Variants in MED4 observed in about 807,000 individuals in gnomAD.
MED4 encodes mediator of RNA polymerase II transcription subunit 4.
In MED4, 21 loss-of-function variants were observed where a neutral mutation model predicts 35.0. The observed-to-expected ratio is 0.60, with a 90% CI of 0.43 to 0.86. The LOEUF is 0.86. Ranked by LOEUF, MED4 falls within the 40% of genes least tolerant of loss-of-function variation. MED4 has a pLI of 0.00. For synonymous variants in MED4, 138 were observed against 114.0 expected (o/e 1.21, Z -1.34); for missense variants, 300 against 319.4 (o/e 0.94, Z 0.46).
intron 6 of MED4, among the ~76,000 whole-genome samples, chr13:48,078,449 C>T (rs565619777): frequency 6.6e-6 from 1 of 152,306 alleles, no homozygotes; most frequent in South Asian, 2.1e-4. Flanking sequence ...ACCACAGCAA[C>T]TTTCGGTGGC....
At chr13:48,078,920 A>C (rs947760789) in intron 6 of MED4, among the ~76,000 whole-genome samples, 1 of 152,218 alleles carries the variant, frequency 6.6e-6, no homozygotes. Context: ...AAAAAAGGAA[A>C]CAGGCTAAAA....
intron 1 of MED4, among the ~76,000 whole-genome samples, chr13:48,092,635 G>A (rs1218546913): frequency 6.6e-6 from 1 of 152,224 alleles, no homozygotes; most frequent in African/African-American, 2.4e-5. Flanking sequence ...CGTGATGGGA[G>A]AAACATGGAC....
In MED4 at chr13:48,086,355, T is replaced by C. The variant is rs752066214; in HGVS notation, c.290A>G (p.Glu97Gly). ...GKIHHEMQVL[E>G]KEVEKRDSDI... is the part of the protein sequence containing the mutation. ...ACTGTCTCTCTTCTCTACTTCTTTT[T>C]CTAAAACTTGCATTTCATGATGAAT... Residue 97 changes from glutamate (E) to glycine (G), a missense_variant, in exon 3 of 7, where the codon GAA (glutamate) becomes GGA (glycine). By Grantham distance (98) the Glu-to-Gly change is moderately conservative. Coordinates refer to ENST00000258648, the MANE Select transcript of MED4 (RefSeq NM_014166.4). The C allele has an allele frequency of 1.4e-5, 22 of 1,613,760 alleles. No individual in the cohort carries two copies. Among genetic ancestry groups the C allele is most frequent in the East Asian group, 2.2e-5 (1 of 44,816 alleles).
At chr13:48,094,253 G>C (rs571011858) in intron 1 of MED4, among the ~76,000 whole-genome samples, 95 of 152,292 alleles carry the variant, frequency 6.2e-4, no homozygotes, top group African/African-American at 2.2e-3. Flanking sequence ...GACACTTTAG[G>C]AGGTAGAACC....
At chr13:48,077,369 T>A in intron 6 of MED4, 58 bp from the exon 7 acceptor site, 1 of 1,299,402 alleles carries the variant, frequency 7.7e-7, no homozygotes. Context: ...ATCTAGTTCT[T>A]ACTTTTCCCT....
chr13:48,091,904 G>C (rs1409422043), intron 1 of MED4, among the ~76,000 whole-genome samples: 1 of 152,124 alleles, frequency 6.6e-6, no homozygotes, highest in Admixed American at 6.5e-5. Context: ...TTAAATGAGA[G>C]AAGTCAGCCA....
chr13:48,092,770 C>G (rs1950899364), intron 1 of MED4, among the ~76,000 whole-genome samples: 2 of 152,164 alleles, frequency 1.3e-5, no homozygotes, highest in African/African-American at 4.8e-5. Flanking sequence ...CGGTTGAGAA[C>G]CTCTGGTCTA....
In MED4 at chr13:48,094,336, G is replaced by C. The variant is rs535080575; in HGVS notation, c.125+618C>G. On this transcript the variant is annotated intron_variant, in intron 1 of 6. Transcript: ENST00000258648. ...CAACTTGAAAGACTTATCATGAAAG[G>C]TGACAGAATATGAAGAACGACATCT... 7.2e-5 allele frequency among the ~76,000 whole-genome samples: 11 copies of C among 152,254 alleles called. No individual in the cohort carries two copies. In the South Asian group the frequency reaches 2.1e-3, roughly 29 times the overall value.
chr13:48,077,418 T>G, intron 6 of MED4, 107 bp from the exon 7 acceptor site: 5 of 995,520 alleles, frequency 5.0e-6, no homozygotes, highest in Middle Eastern at 5.6e-4. Context: ...AATTTTACTT[T>G]TTTCTCTTCT....
chr13:48,090,317 A>C lies in MED4; in HGVS notation c.192+35T>G, dbSNP rs200971039. 2.1e-5 allele frequency: 31 copies of C among 1,476,474 alleles called. 1 individual carries two copies. The African/African-American group carries it at 4.2e-4, about 20-fold the overall frequency. 91.5% of individuals were successfully genotyped at this position (1,476,474 alleles called of 1,614,324 possible). A position where few individuals can be genotyped will look rare whatever the true frequency, so the allele number is the denominator to read the frequency against. ...TTTTTTTCTTTTAATTAAAAAACAA[A>C]GAGAAATTAACTAATTTAAAAAGAA... is the stretch of plus-strand genomic sequence containing the variant. On this transcript the variant is annotated intron_variant, in intron 2 of 6. Transcript: ENST00000258648.
intron 2 of MED4, 97 bp downstream of exon 2, chr13:48,090,255 C>T: frequency 2.1e-6 from 2 of 935,204 alleles, no homozygotes; most frequent in Non-Finnish European, 3.2e-6. Flanking sequence ...TGTTCCCACA[C>T]AAAGTAAATA....
rs756961558 is a variant in MED4 at position 48,077,347 on chromosome 13, T to C, written c.641-36A>G. The C allele has an allele frequency of 9.4e-6, 13 of 1,379,694 alleles. No individual in the cohort carries two copies. The East Asian group carries it at 2.2e-4, about 23-fold the overall frequency. 85.5% of individuals were successfully genotyped at this position (1,379,694 alleles called of 1,614,324 possible). On this transcript the variant is annotated intron_variant, in intron 6 of 6. Coordinates refer to ENST00000258648, the MANE Select transcript of MED4 (RefSeq NM_014166.4). ...AAAGAAGCATAGATAAGAACAGCTC[T>C]ATCTGTAATTAATCTAGTTCTTACT...
chr13:48,081,535 C>T (rs1477481588), intron 5 of MED4, 110 bp downstream of exon 5: 3 of 584,422 alleles, frequency 5.1e-6, no homozygotes, highest in Non-Finnish European at 8.2e-6. Context: ...AAATATGTGG[C>T]AGAGGTTTCT....
At chr13:48,086,507 C>A in intron 2 of MED4, 55 bp from the exon 3 acceptor site, 1 of 1,496,334 alleles carries the variant, frequency 6.7e-7, no homozygotes, top group South Asian at 1.2e-5. Flanking sequence ...GGCTGCATTC[C>A]AATGAAACAA....
chr13:48,090,247 T>A, intron 2 of MED4, 105 bp downstream of exon 2: 1 of 857,362 alleles, frequency 1.2e-6, no homozygotes, highest in East Asian at 2.6e-5. Context: ...AACATTCCTG[T>A]TCCCACACAA....
intron 1 of MED4, among the ~76,000 whole-genome samples, chr13:48,093,934 T>G (rs977137862): frequency 1.3e-5 from 2 of 152,214 alleles, no homozygotes; most frequent in Non-Finnish European, 2.9e-5. Context: ...AAAAGTGACA[T>G]TTGAGCTGGA....
At chr13:48,079,684 A>G in intron 6 of MED4, 160 bp downstream of exon 6, 1 of 758,656 alleles carries the variant, frequency 1.3e-6, no homozygotes, top group Non-Finnish European at 2.0e-6. Flanking sequence ...GATTTCGCCA[A>G]CACGCTCCAG....
At chr13:48,087,045 CAAAAA>C (rs77900700) in intron 2 of MED4, among the ~76,000 whole-genome samples, 21 of 125,654 alleles carry the variant, frequency 1.7e-4, no homozygotes, top group African/African-American at 5.9e-4. Context: ...GACACTGTCT[CAAAAA>C]AAAAAAAAAG....
intron 1 of MED4, among the ~76,000 whole-genome samples, chr13:48,090,770 G>A (rs1375018998): frequency 6.6e-6 from 1 of 152,174 alleles, no homozygotes; most frequent in Non-Finnish European, 1.5e-5. Flanking sequence ...AAGAGGATAA[G>A]TTCTCATTTT....
Sources: gnomAD v4.1 joint callset for allele counts (sites outside exome capture counted in the v4.1 genomes callset) on GRCh38, gnomAD v4.1.1 for gene constraint, MANE v1.5 for transcripts, NCBI Gene and HGNC (gene_info 2026-07-23, HGNC 2026-07-21) for gene names.